SHISA9: variants seen among roughly 807,000 people sequenced by gnomAD.
SHISA9 encodes protein shisa-9.
Under a neutral mutation model 38.0 loss-of-function variants are expected in SHISA9, and 13 were observed. The ratio of observed to expected loss-of-function variants is 0.34; its 90% confidence interval spans 0.22 to 0.54. The LOEUF is 0.54. Ranked by LOEUF, SHISA9 falls within the 20% of genes least tolerant of loss-of-function variation. The probability of loss-of-function intolerance (pLI) is 0.91; values close to 1 mark genes in which losing one functional copy is unlikely to be tolerated. For missense variants in SHISA9, 538 were observed against 575.8 expected, an observed-to-expected ratio of 0.93 and a Z score of 0.67; for synonymous variants, 275 against 242.0, an observed-to-expected ratio of 1.14 and a Z score of -1.27.
chr16:13,553,354 C>G, the SHISA9 span, among the ~76,000 whole-genome samples: 1 of 152,228 alleles, frequency 6.6e-6, no homozygotes, highest in Non-Finnish European at 1.5e-5. Context: ...ATTGAACACT[C>G]TATCTCATTC....
intron 2 of SHISA9, among the ~76,000 whole-genome samples, chr16:13,184,341 T>G (rs533026807): frequency 1.3e-4 from 20 of 152,326 alleles, no homozygotes; most frequent in Non-Finnish European, 2.5e-4. Context: ...GGGCTATGGA[T>G]TCCCATCTTA....
chr16:13,181,279 A>ATT (rs1458843806), intron 2 of SHISA9, among the ~76,000 whole-genome samples: 5 of 50,552 alleles, frequency 9.9e-5, no homozygotes, highest in Non-Finnish European at 1.4e-4. Flanking sequence ...ATATATATAT[A>ATT]TATATATATA....
intron 1 of SHISA9, chr16:12,908,541 C>T (rs1229719461): frequency 6.4e-7 from 1 of 1,551,934 alleles, no homozygotes. Context: ...GAACCTGCCC[C>T]TGGAGAGTGG....
the SHISA9 span, among the ~76,000 whole-genome samples, chr16:13,406,620 G>C: frequency 2.0e-5 from 3 of 152,198 alleles, no homozygotes; most frequent in African/African-American, 4.8e-5. Flanking sequence ...CCAGAAACAC[G>C]ACCCTGCGGG....
rs755624317 is a variant in SHISA9 at position 12,902,530 on chromosome 16, A to G, written c.466A>G (p.Ile156Val). 4 of 1,551,384 alleles carry G rather than the reference A, an allele frequency of 2.6e-6. No homozygotes were observed. Among genetic ancestry groups the G allele is most frequent in the South Asian group, 2.4e-5 (2 of 84,054 alleles). ...GGACAAGACCAACCTGATCGTCTAC[A>G]TCATCTGCGGGGTGGTGGCCGTCAT... is the stretch of plus-strand genomic sequence containing the variant. ...TKDKTNLIVY[I>V]ICGVVAVMVL... is the part of the protein sequence containing the mutation. Residue 156 changes from isoleucine (I) to valine (V), a missense_variant, in exon 1 of 5, where the codon ATC becomes GTC. Around this residue, in one of 4 missense-constraint regions of SHISA9, gnomAD observed 88 missense variants for 109.7 expected, o/e 0.80. Transcript: ENST00000558583.
the SHISA9 span, among the ~76,000 whole-genome samples, chr16:13,487,050 T>C: frequency 3.3e-5 from 5 of 152,220 alleles, no homozygotes; most frequent in African/African-American, 4.8e-5. Flanking sequence ...TGCACCAGGC[T>C]AGGCTAAGTA....
chr16:13,019,757 T>C (rs1229995050), intron 2 of SHISA9, among the ~76,000 whole-genome samples: 4 of 149,414 alleles, frequency 2.7e-5, no homozygotes, highest in African/African-American at 9.8e-5. Flanking sequence ...TTCTTTTCTT[T>C]TCTTTCTTTT....
At chr16:12,982,647 C>G (rs564209279) in intron 2 of SHISA9, among the ~76,000 whole-genome samples, 1 of 152,290 alleles carries the variant, frequency 6.6e-6, no homozygotes, top group African/African-American at 2.4e-5. Context: ...TCCAGAACAT[C>G]TCCCTTCACT....
At chr16:13,156,396 A>G (rs2050547130) in intron 2 of SHISA9, among the ~76,000 whole-genome samples, 1 of 152,152 alleles carries the variant, frequency 6.6e-6, no homozygotes, top group Non-Finnish European at 1.5e-5. Context: ...TATGCACACA[A>G]TCCTGCCAAC....
At chr16:13,522,066 G>A in the SHISA9 span, among the ~76,000 whole-genome samples, 2 of 152,078 alleles carry the variant, frequency 1.3e-5, no homozygotes, top group Non-Finnish European at 2.9e-5. Context: ...CGGGAAGTTC[G>A]AATTCCCCAC....
intron 2 of SHISA9, among the ~76,000 whole-genome samples, chr16:12,959,066 A>C (rs966256312): frequency 6.6e-6 from 1 of 152,198 alleles, no homozygotes; most frequent in African/African-American, 2.4e-5. Flanking sequence ...GGAATCTTAT[A>C]TTGCAATGGG....
the SHISA9 span, among the ~76,000 whole-genome samples, chr16:13,530,348 G>A: frequency 6.6e-6 from 1 of 152,092 alleles, no homozygotes; most frequent in South Asian, 2.1e-4. Context: ...CCAGCTCTGT[G>A]TCCTTAGGGA....
intron 2 of SHISA9, among the ~76,000 whole-genome samples, chr16:12,982,950 TGAA>T (rs2072259949): frequency 6.6e-6 from 1 of 152,222 alleles, no homozygotes; most frequent in Admixed American, 6.5e-5. Flanking sequence ...TCATCTTAGA[TGAA>T]GATGTAAGAA....
the SHISA9 span, among the ~76,000 whole-genome samples, chr16:13,289,425 C>G: frequency 6.6e-6 from 1 of 151,944 alleles, no homozygotes; most frequent in South Asian, 2.1e-4. Context: ...ATTGCTTGTT[C>G]TTTGGGTCAG....
At chr16:12,902,917 C>T in intron 1 of SHISA9, 1 of 367,464 alleles carries the variant, frequency 2.7e-6, no homozygotes. Context: ...GTGACTGAGG[C>T]GGACTTGAGA....
chr16:13,377,313 G>A, the SHISA9 span, among the ~76,000 whole-genome samples: 5 of 152,204 alleles, frequency 3.3e-5, no homozygotes, highest in African/African-American at 9.6e-5. Context: ...GAGCAGCCGT[G>A]TACTCAAGGA....
chr16:13,523,050 A>G, the SHISA9 span, among the ~76,000 whole-genome samples: 20 of 152,162 alleles, frequency 1.3e-4, no homozygotes, highest in African/African-American at 4.6e-4. Context: ...TGTCATTTAA[A>G]AAAATGGAAG....
intron 2 of SHISA9, among the ~76,000 whole-genome samples, chr16:13,111,563 T>C (rs186386448): frequency 4.6e-5 from 7 of 152,334 alleles, no homozygotes; most frequent in Admixed American, 4.6e-4. Context: ...ACACTTAGCA[T>C]ATTGGTGGGC....
At chr16:13,118,180 TAAAAAAAAA>T (rs543126630) in intron 2 of SHISA9, among the ~76,000 whole-genome samples, 1 of 84,050 alleles carries the variant, frequency 1.2e-5, no homozygotes, top group Non-Finnish European at 2.5e-5. Context: ...AGACTTCGTC[TAAAAAAAAA>T]AAAAAAAAAA....
Sources: allele counts gnomAD v4.1 joint callset (sites outside exome capture counted in the v4.1 genomes callset), GRCh38; gene constraint gnomAD v4.1.1; regional missense constraint gnomAD v4.1.1; transcripts MANE v1.5; gene names NCBI Gene and HGNC (gene_info 2026-07-23, HGNC 2026-07-21).